AOX1: variants seen among roughly 807,000 people sequenced by gnomAD.
The protein encoded by AOX1 is aldehyde oxidase 1, also known as aldehyde oxidase.
A neutral mutation model predicts 169.5 loss-of-function variants in AOX1; 153 were observed. The observed-to-expected ratio is 0.90, with a 90% CI of 0.79 to 1.03. The LOEUF (loss-of-function observed/expected upper bound fraction) is 1.03, where lower values mean the gene tolerates loss of function less well. AOX1 is among the 50% of genes least tolerant of loss of function. The pLI is 0.00. For synonymous variants in AOX1, 562 were observed against 581.9 expected (o/e 0.97, Z 0.49); for missense variants, 1,656 against 1,663.9 (o/e 1.00, Z 0.08).
chr2:200,601,831 G>A (rs528188075), intron 5 of AOX1, among the ~76,000 whole-genome samples: 56 of 152,166 alleles, frequency 3.7e-4, no homozygotes, highest in African/African-American at 1.3e-3. Flanking sequence ...TACTCGGGGG[G>A]CTGAGGCAGG....
intron 20 of AOX1, among the ~76,000 whole-genome samples, chr2:200,629,265 G>A (rs546601466): frequency 4.6e-5 from 7 of 152,262 alleles, no homozygotes; most frequent in African/African-American, 1.7e-4. Context: ...TCAGGGCTCA[G>A]TCTCCCTGTT....
downstream of AOX1, chr2:200,679,259 C>T (rs1313849970): frequency 6.6e-6 from 1 of 152,014 alleles, no homozygotes; most frequent in Non-Finnish European, 1.5e-5. Flanking sequence ...TCTTTTTTAA[C>T]ACTGCTGCTG....
At chr2:200,649,114 C>G (rs1281113270) in intron 25 of AOX1, among the ~76,000 whole-genome samples, 2 of 152,056 alleles carry the variant, frequency 1.3e-5, no homozygotes, top group African/African-American at 4.8e-5. Flanking sequence ...GGCTTCTTGC[C>G]CCATTCAAAT....
At chr2:200,589,588 T>A (rs1200694247) in intron 1 of AOX1, among the ~76,000 whole-genome samples, 6 of 151,736 alleles carry the variant, frequency 4.0e-5, no homozygotes, top group African/African-American at 1.5e-4. Context: ...AAATTGGGGC[T>A]GATTAAGTTG....
intron 25 of AOX1, 90 bp from the exon 26 acceptor site, chr2:200,650,884 T>C: frequency 1.7e-6 from 2 of 1,207,792 alleles, no homozygotes; most frequent in South Asian, 2.8e-5. Flanking sequence ...CCTTACAGGA[T>C]GGGCAGAATT....
chr2:200,638,319 A>G lies in AOX1; in HGVS notation c.2568+17A>G. The G allele has an allele frequency of 6.2e-7, 1 of 1,609,400 alleles. No individual in the cohort carries two copies. Among genetic ancestry groups the G allele is most frequent in the Non-Finnish European group, 8.5e-7 (1 of 1,175,980 alleles). ...AAGTACAAAGTGAGTACAAGAGGGC[A>G]TGGAGGAAGGATTTATGTTGTAGAT... On this transcript the variant is annotated intron_variant, in intron 23 of 34. Transcript: ENST00000374700.
chr2:200,662,959 G>A lies in AOX1; in HGVS notation c.3533G>A (p.Gly1178Glu), dbSNP rs768237820. 3 of 1,613,820 alleles carry A rather than the reference G, an allele frequency of 1.9e-6. No individual in the cohort carries two copies. The highest frequency in any genetic ancestry group is 1.7e-5 in the Admixed American group (1 of 60,012). Residue 1178 changes from glycine to glutamate, a missense_variant, in exon 31 of 35, where the codon GGG becomes GAG. Transcript: ENST00000374700. The part of the protein sequence containing the change: ...CSEVEIDCLT[G>E]DHKNIRTDIV... ...GAGGTTGAAATAGACTGCCTGACGG[G>A]GGATCATAAGGTCAGTACCGGTTGG...
intron 31 of AOX1, among the ~76,000 whole-genome samples, chr2:200,664,373 C>T (rs1009932131): frequency 6.6e-6 from 1 of 152,252 alleles, no homozygotes; most frequent in Non-Finnish European, 1.5e-5. Flanking sequence ...GATCCACCCA[C>T]CTTGGCCTTC....
intron 32 of AOX1, 89 bp downstream of exon 32, chr2:200,666,841 A>G: frequency 1.2e-6 from 1 of 857,854 alleles, no homozygotes; most frequent in Non-Finnish European, 1.8e-6. Flanking sequence ...AGTCTTATTC[A>G]TCATCTTATT....
chr2:200,641,334 C>T (rs900226821), intron 24 of AOX1, 150 bp downstream of exon 24: 1 of 570,974 alleles, frequency 1.8e-6, no homozygotes, highest in Non-Finnish European at 3.1e-6. Context: ...CTTCCTGGTG[C>T]CCAAAGTGTG....
intron 16 of AOX1, among the ~76,000 whole-genome samples, chr2:200,616,302 G>A (rs2034757466): frequency 6.6e-6 from 1 of 152,242 alleles, no homozygotes; most frequent in Non-Finnish European, 1.5e-5. Context: ...AAGGTTACGT[G>A]CTTTGCACTG....
intron 21 of AOX1, among the ~76,000 whole-genome samples, chr2:200,635,908 C>T (rs2465661): frequency 0.44 from 66,228 of 151,724 alleles, 15,124 homozygotes; most frequent in East Asian, 0.75. Context: ...GAGGGTCAGA[C>T]GAACTCCATT....
chr2:200,654,212 A>G (rs1308523654), intron 26 of AOX1, among the ~76,000 whole-genome samples: 17 of 24,976 alleles, frequency 6.8e-4, no homozygotes, highest in Admixed American at 6.4e-3. Context: ...GTCTCAAAAA[A>G]AAAAAAAAAA....
chr2:200,601,091 T>G (rs943801968), intron 5 of AOX1, among the ~76,000 whole-genome samples: 4 of 139,714 alleles, frequency 2.9e-5, no homozygotes, highest in Admixed American at 1.4e-4. Context: ...TTTTTTTTTT[T>G]GTCACAGTAA....
At chr2:200,676,211 C>T (rs567146370), downstream of AOX1, among the ~76,000 whole-genome samples, 2 of 152,002 alleles carry the variant, frequency 1.3e-5, no homozygotes, top group South Asian at 4.2e-4. Flanking sequence ...GTACATTTAC[C>T]ATCAAGAAAC....
intron 1 of AOX1, among the ~76,000 whole-genome samples, chr2:200,586,966 G>C (rs1318645377): frequency 6.6e-6 from 1 of 152,160 alleles, no homozygotes; most frequent in Non-Finnish European, 1.5e-5. Context: ...AGGAAACTGA[G>C]GCAGGAAGGT....
At position 200,602,299 on chromosome 2, in the gene AOX1, G is replaced by T; in HGVS notation, c.452G>T (p.Cys151Phe). The T allele has an allele frequency of 6.2e-7, 1 of 1,613,858 alleles. No individual in the cohort carries two copies. The highest frequency in any genetic ancestry group is 1.3e-5 in the African/African-American group (1 of 75,006). ...TDALGGNLCR[C>F]TGYRPIIDAC... ...TCTCCTTCAGGTAACCTGTGCCGTT[G>T]CACTGGATACAGGCCCATAATTGAT... is the stretch of plus-strand genomic sequence containing the variant. The change falls in exon 6 of 35, where the codon TGC becomes TTC. Residue 151 changes from cysteine to phenylalanine, a missense_variant. Coordinates refer to ENST00000374700, the MANE Select transcript of AOX1 (RefSeq NM_001159.4).
At chr2:200,660,190 T>C (rs571886132) in intron 29 of AOX1, 121 bp downstream of exon 29, 2 of 777,716 alleles carry the variant, frequency 2.6e-6, no homozygotes, top group Admixed American at 2.6e-5. Context: ...CACCATTGTG[T>C]AATGATAAAT....
intron 32 of AOX1, among the ~76,000 whole-genome samples, chr2:200,668,090 TTTTA>T (rs1308071584): frequency 2.6e-5 from 4 of 151,360 alleles, no homozygotes. Flanking sequence ...TTTTCATGAT[TTTTA>T]TTTATTATTA....
Sources: allele counts gnomAD v4.1 joint callset (sites outside exome capture counted in the v4.1 genomes callset), GRCh38; gene constraint gnomAD v4.1.1; transcripts MANE v1.5; gene names NCBI Gene and HGNC (gene_info 2026-07-23, HGNC 2026-07-21).